Variants in TTLL5 observed in about 807,000 individuals in gnomAD.
TTLL5 encodes tubulin polyglutamylase TTLL5.
Under a neutral mutation model 168.4 loss-of-function variants are expected in TTLL5, and 132 were observed. The observed-to-expected ratio is 0.78, with a 90% CI of 0.68 to 0.91. The LOEUF (loss-of-function observed/expected upper bound fraction) is 0.91, where lower values mean the gene tolerates loss of function less well. TTLL5 is among the 40% of genes least tolerant of loss of function. TTLL5 has a pLI of 0.00. For missense variants in TTLL5, 1,545 were observed against 1,581.5 expected (o/e 0.98, Z 0.39); for synonymous variants, 546 against 558.6 (o/e 0.98, Z 0.32).
chr14:75,773,927 T>TATATAGAGAGAGAGAGAGAGAGAG (rs1354936334), intron 21 of TTLL5, among the ~76,000 whole-genome samples: 1 of 21,124 alleles, frequency 4.7e-5, no homozygotes, highest in African/African-American at 1.5e-4. Flanking sequence ...TATATATATA[T>TATATAGAGAGAGAGAGAGAGAGAG]AGAGAGAGAG....
Position 75,882,770 on chromosome 14 carries a change from C to T in TTLL5, c.3608C>T (p.Ala1203Val), listed in dbSNP as rs756029786. 3.7e-6 allele frequency: 6 copies of T among 1,614,040 alleles called. No homozygotes were observed. Among genetic ancestry groups the T allele is most frequent in the Non-Finnish European group, 5.1e-6 (6 of 1,179,974 alleles). The change falls in exon 30 of 32, where the codon GCT (alanine) becomes GTT (valine). Residue 1203 changes from alanine to valine, a missense_variant. Physicochemically the swap from Ala to Val is moderately conservative, Grantham distance 64 (BLOSUM62 0). Coordinates refer to ENST00000298832, the MANE Select transcript of TTLL5 (RefSeq NM_015072.5). ...GGTTGTAGAATTTCCAGTGCCACAG[C>T]TAGTGGCCAGAAGCCAACCACTCTG... ...GAGCRISSAT[A>V]SGQKPTTLPQ...
intron 26 of TTLL5, among the ~76,000 whole-genome samples, chr14:75,791,635 T>C (rs1013363519): frequency 6.6e-6 from 1 of 152,194 alleles, no homozygotes; most frequent in African/African-American, 2.4e-5. Flanking sequence ...GATAATGTAA[T>C]TCCTGGGTTG....
chr14:75,883,365 GT>G (rs2031921298), intron 30 of TTLL5, among the ~76,000 whole-genome samples: 1 of 152,198 alleles, frequency 6.6e-6, no homozygotes, highest in Non-Finnish European at 1.5e-5. Flanking sequence ...TCAAATTTTT[GT>G]TAAGTCAAAA....
intron 29 of TTLL5, among the ~76,000 whole-genome samples, chr14:75,876,264 G>A (rs2031473398): frequency 6.6e-6 from 1 of 152,224 alleles, no homozygotes; most frequent in Non-Finnish European, 1.5e-5. Context: ...TCCAAGCTCA[G>A]TTTTGAGTAT....
intron 29 of TTLL5, among the ~76,000 whole-genome samples, chr14:75,876,509 G>A (rs1414479060): frequency 6.6e-6 from 1 of 152,148 alleles, no homozygotes; most frequent in Non-Finnish European, 1.5e-5. Flanking sequence ...ATTGGTTTTA[G>A]AAATGAGAGG....
chr14:75,798,178 G>T (rs1233271849), intron 27 of TTLL5, among the ~76,000 whole-genome samples: 2 of 152,010 alleles, frequency 1.3e-5, no homozygotes, highest in Non-Finnish European at 2.9e-5. Context: ...TAGAAGGGTT[G>T]TATATTTCCA....
chr14:75,898,917 A>G (rs1689752510), intron 30 of TTLL5, among the ~76,000 whole-genome samples: 1 of 152,198 alleles, frequency 6.6e-6, no homozygotes, highest in Non-Finnish European at 1.5e-5. Flanking sequence ...ATTGCTGTTA[A>G]CTTCCAGGTT....
intron 31 of TTLL5, among the ~76,000 whole-genome samples, chr14:75,917,637 G>A (rs938170879): frequency 2.0e-5 from 3 of 152,246 alleles, no homozygotes; most frequent in Non-Finnish European, 4.4e-5. Context: ...GGAGAGGGAG[G>A]ATAAGGAGCA....
chr14:75,704,211 T>A lies in TTLL5; in HGVS notation c.586-2807T>A, dbSNP rs1034681278. On this transcript the variant is annotated intron_variant, in intron 7 of 31. Transcript: ENST00000298832. ...TTCTCCTTTACAATGACTTAACAGA[T>A]ACCATGAGCTTTAACCTTAAGGTCC... Among the ~76,000 whole-genome samples the A allele has an allele frequency of 2.0e-5, 3 of 152,178 alleles. No individual in the cohort carries two copies. The South Asian group carries it at 6.2e-4, about 32-fold the overall frequency.
chr14:75,794,728 G>T (rs1335976455), intron 27 of TTLL5, among the ~76,000 whole-genome samples: 1 of 152,180 alleles, frequency 6.6e-6, no homozygotes, highest in Non-Finnish European at 1.5e-5. Flanking sequence ...TTGGTAATAG[G>T]GTGGTCAGTA....
At chr14:75,837,678 T>C (rs895157225) in intron 28 of TTLL5, among the ~76,000 whole-genome samples, 4 of 152,206 alleles carry the variant, frequency 2.6e-5, no homozygotes, top group African/African-American at 9.7e-5. Context: ...GTATCTCTAT[T>C]AGTAGAATCA....
At position 75,775,562 on chromosome 14, in the gene TTLL5, T is replaced by C. The variant is rs774690827; in HGVS notation, c.2215T>C (p.Leu739=). The part of the protein sequence containing the change: ...SLRMVLPSRR[L]ALLERRRILA... The stretch of plus-strand genomic sequence containing the variant: ...GAGGATGGTATTACCCAGTCGACGA[T>C]TGGCACTTCTGGAACGCAGAAGAAT... The change falls in exon 22 of 32, where the codon TTG becomes CTG. Residue 739 remains leucine (L), a synonymous_variant. Coordinates refer to ENST00000298832, the MANE Select transcript of TTLL5 (RefSeq NM_015072.5). 13 of 1,614,038 alleles carry C rather than the reference T, an allele frequency of 8.1e-6. No individual in the cohort carries two copies. The Admixed American group carries it at 1.3e-4, about 17-fold the overall frequency.
At chr14:75,754,824 T>C (rs192521783) in intron 18 of TTLL5, among the ~76,000 whole-genome samples, 1 of 152,318 alleles carries the variant, frequency 6.6e-6, no homozygotes, top group East Asian at 1.9e-4. Flanking sequence ...TGTGGATAGT[T>C]TCCTACATTT....
intron 30 of TTLL5, among the ~76,000 whole-genome samples, chr14:75,885,457 A>T (rs1213414800): frequency 6.6e-6 from 1 of 152,110 alleles, no homozygotes; most frequent in South Asian, 2.1e-4. Context: ...GTACCACTGC[A>T]CTCCAGCCTG....
chr14:75,949,481 AATATAT>A (rs997866239), intron 31 of TTLL5, among the ~76,000 whole-genome samples: 1 of 147,472 alleles, frequency 6.8e-6, no homozygotes, highest in Non-Finnish European at 1.5e-5. Flanking sequence ...TTATATAAAG[AATATAT>A]ATATATAAAA....
intron 26 of TTLL5, among the ~76,000 whole-genome samples, chr14:75,789,132 T>C (rs1398120001): frequency 1.3e-5 from 2 of 152,154 alleles, no homozygotes; most frequent in Non-Finnish European, 2.9e-5. Context: ...CTGCAAGAGC[T>C]ATCAGCCTAA....
At chr14:75,694,719 T>G (rs1215908599) in intron 6 of TTLL5, among the ~76,000 whole-genome samples, 1 of 152,238 alleles carries the variant, frequency 6.6e-6, no homozygotes, top group African/African-American at 2.4e-5. Flanking sequence ...ATTTCATGGA[T>G]GTTTATTAGT....
intron 29 of TTLL5, among the ~76,000 whole-genome samples, chr14:75,875,091 G>A (rs779978143): frequency 1.3e-5 from 2 of 150,696 alleles, no homozygotes; most frequent in South Asian, 2.1e-4. Context: ...CCACCACAAC[G>A]CCTGGCTAAT....
chr14:75,814,154 C>A (rs1894238147), intron 27 of TTLL5, among the ~76,000 whole-genome samples: 2 of 152,186 alleles, frequency 1.3e-5, no homozygotes, highest in South Asian at 4.1e-4. Flanking sequence ...ACAAAAAAAT[C>A]TGAAATGCAA....
Sources: allele counts gnomAD v4.1 joint callset (sites outside exome capture counted in the v4.1 genomes callset), GRCh38; gene constraint gnomAD v4.1.1; transcripts MANE v1.5; gene names NCBI Gene and HGNC (gene_info 2026-07-23, HGNC 2026-07-21).